KIF5A: variants seen among roughly 807,000 people sequenced by gnomAD.
The protein encoded by KIF5A is kinesin heavy chain isoform 5A.
KIF5A carries 35 observed loss-of-function variants against 141.3 expected under a neutral mutation model. That is an observed-to-expected ratio of 0.25 (90% confidence interval 0.19 to 0.33). The LOEUF is 0.33. Ranked by LOEUF, KIF5A falls within the 10% of genes least tolerant of loss-of-function variation. KIF5A has a pLI of 1.00. For synonymous variants in KIF5A, 448 were observed against 500.2 expected (o/e 0.90, Z 1.39); for missense variants, 861 against 1,314.3 (o/e 0.66, Z 5.33).
intron 15 of KIF5A, among the ~76,000 whole-genome samples, chr12:57,573,398 G>T (rs955536009): frequency 1.3e-5 from 2 of 151,974 alleles, no homozygotes; most frequent in Admixed American, 1.3e-4. Context: ...GGGGGTGGTG[G>T]CACACACCTA....
rs751767575 is a variant in KIF5A at position 57,576,251 on chromosome 12, G to A, written c.2089-18G>A. Reference sequence around the variant, plus strand: ...GCTGGGAGTCTGGCCTTTGAGCTTGGGGTGGGGTTGTTTGCAGAAGGCTCT... The same window carrying A: ...GCTGGGAGTCTGGCCTTTGAGCTTGAGGTGGGGTTGTTTGCAGAAGGCTCT... On this transcript the variant is annotated intron_variant, in intron 18 of 28. Transcript: ENST00000455537. The A allele has an allele frequency of 3.1e-6, 5 of 1,613,478 alleles. No homozygotes were observed. The East Asian group carries it at 1.1e-4, about 36-fold the overall frequency.
intron 11 of KIF5A, 85 bp from the exon 12 acceptor site, chr12:57,569,902 C>A: frequency 6.7e-7 from 1 of 1,498,526 alleles, no homozygotes; most frequent in South Asian, 1.3e-5. Flanking sequence ...CAAGAGAGTT[C>A]AAGGGGCATG....
rs767095969 is a variant in KIF5A, at chr12:57,569,992, A to G, written c.1123A>G (p.Asn375Asp). The G allele has an allele frequency of 3.7e-6, 6 of 1,613,142 alleles. No individual in the cohort carries two copies. The highest frequency in any genetic ancestry group is 1.3e-5 in the African/African-American group (1 of 74,904). ...CTCGTCTTGCCCCTTTGCAGGAGAGAATGTGCCTGAGACAGAGCGCCTGGC... is the reference window on the plus strand; with the variant it reads ...CTCGTCTTGCCCCTTTGCAGGAGAGGATGTGCCTGAGACAGAGCGCCTGGC... ...AELSRWRNGE[N>D]VPETERLAGE... Residue 375 changes from asparagine to aspartate, a missense_variant, in exon 12 of 29, where the codon AAT (asparagine) becomes GAT (aspartate). Physicochemically the swap from Asn to Asp is conservative, Grantham distance 23. Coordinates refer to ENST00000455537, the MANE Select transcript of KIF5A (RefSeq NM_004984.4).
chr12:57,564,860 G>C (rs1882015026), intron 5 of KIF5A, 58 bp from the exon 6 acceptor site: 1 of 1,506,514 alleles, frequency 6.6e-7, no homozygotes, highest in African/African-American at 1.4e-5. Context: ...TGACTGCAAG[G>C]TGCAGATGGG....
At chr12:57,559,421 A>G (rs909519951) in intron 1 of KIF5A, among the ~76,000 whole-genome samples, 4 of 152,160 alleles carry the variant, frequency 2.6e-5, no homozygotes, top group African/African-American at 9.7e-5. Context: ...ATGGTGTTTC[A>G]TAGTTTTAAT....
At chr12:57,570,680 C>T (rs574956406) in intron 12 of KIF5A, among the ~76,000 whole-genome samples, 6 of 152,228 alleles carry the variant, frequency 3.9e-5, no homozygotes, top group Admixed American at 2.0e-4. Flanking sequence ...CCACCGTGCC[C>T]GGCCTGTATA....
chr12:57,569,206 G>C, intron 9 of KIF5A, 50 bp from the exon 10 acceptor site: 1 of 1,610,576 alleles, frequency 6.2e-7, no homozygotes, highest in Non-Finnish European at 8.5e-7. Context: ...CTGATTCCCT[G>C]TTGAATTTTA....
intron 6 of KIF5A, among the ~76,000 whole-genome samples, chr12:57,566,327 C>T (rs1054847036): frequency 6.6e-6 from 1 of 151,592 alleles, no homozygotes; most frequent in Non-Finnish European, 1.5e-5. Context: ...TAGTCTCGAA[C>T]TCCTGACCTC....
At position 57,586,421 on chromosome 12, in the gene KIF5A, C is replaced by T. The variant is rs541166747; in HGVS notation, c.*2240C>T. The T allele has an allele frequency of 6.6e-6, 1 of 152,536 alleles. No individual in the cohort carries two copies. The highest frequency in any genetic ancestry group is 2.4e-5 in the African/African-American group (1 of 41,540). The allele number at this position is 152,536 out of a possible 1,614,324, so 9.4% of individuals were successfully genotyped here. The stretch of plus-strand genomic sequence containing the variant: ...CACGCAAACCCTTCACCAGAAGCTT[C>T]ACACTACATCCTCCTCCTCCTCCTG... On this transcript the variant is annotated 3_prime_UTR_variant, in exon 29 of 29. Transcript: ENST00000455537.
chr12:57,562,980 T>A (rs1881953380), intron 1 of KIF5A, among the ~76,000 whole-genome samples: 1 of 151,716 alleles, frequency 6.6e-6, no homozygotes, highest in Non-Finnish European at 1.5e-5. Flanking sequence ...CTTTAGTTTC[T>A]CTTATTCTCC....
intron 1 of KIF5A, among the ~76,000 whole-genome samples, chr12:57,553,361 T>C (rs753802971): frequency 1.3e-5 from 2 of 152,192 alleles, no homozygotes; most frequent in Non-Finnish European, 2.9e-5. Context: ...ACTAGGACCA[T>C]TGTGTACCTC....
At chr12:57,569,821 G>A (rs1261883837) in intron 11 of KIF5A, 138 bp downstream of exon 11, 3 of 1,424,220 alleles carry the variant, frequency 2.1e-6, no homozygotes, top group African/African-American at 2.8e-5. Context: ...GTGCAGTAGA[G>A]CAGTCATGGG....
At chr12:57,567,264 C>A in intron 7 of KIF5A, 51 bp downstream of exon 7, 1 of 1,455,904 alleles carries the variant, frequency 6.9e-7, no homozygotes, top group South Asian at 1.1e-5. Flanking sequence ...CACTTGTGTT[C>A]TGTGTCCTCT....
Position 57,572,090 on chromosome 12 carries a change from G to C in KIF5A, c.1392G>C (p.Glu464Asp). The change falls in exon 14 of 29, where the codon GAG becomes GAC. Residue 464 changes from glutamate (E) to aspartate (D), a missense_variant. Physicochemically the swap from Glu to Asp is conservative, Grantham distance 45. Around this residue, in one of 5 missense-constraint regions of KIF5A, gnomAD observed 167 missense variants for 192.0 expected, o/e 0.87. Coordinates refer to ENST00000455537, the MANE Select transcript of KIF5A (RefSeq NM_004984.4). The surrounding 1 kb of genome is among the most constrained non-coding windows in gnomAD (Gnocchi z 4.2). ...ELLVSTRGDN[E>D]KVQRELSHLQ... ...TGGTGTCCACCCGAGGAGACAACGAGAAGGTCCAGCGGGAGCTGAGCCACC... is the reference window on the plus strand; with the variant it reads ...TGGTGTCCACCCGAGGAGACAACGACAAGGTCCAGCGGGAGCTGAGCCACC... 4 of 1,613,928 alleles carry C rather than the reference G, an allele frequency of 2.5e-6. No individual in the cohort carries two copies. Among genetic ancestry groups the C allele is most frequent in the Non-Finnish European group, 3.4e-6 (4 of 1,180,038 alleles).
Position 57,586,248 on chromosome 12 carries a change from G to A in KIF5A, c.*2067G>A, listed in dbSNP as rs771845772. ...AAGAATCCAGGGGGTTTTATGTAAT[G>A]TTGCCACCACATGGTTCTTTTAAAA... On this transcript the variant is annotated 3_prime_UTR_variant, in exon 29 of 29. Transcript: ENST00000455537. The A allele has an allele frequency of 7.9e-5, 12 of 152,192 alleles. No individual in the cohort carries two copies. Among genetic ancestry groups the A allele is most frequent in the Non-Finnish European group, 8.8e-5 (6 of 68,024 alleles). 9.4% of individuals were successfully genotyped at this position (152,192 alleles called of 1,614,324 possible).
intron 6 of KIF5A, among the ~76,000 whole-genome samples, chr12:57,566,088 C>G (rs1422540494): frequency 6.6e-6 from 1 of 151,526 alleles, no homozygotes; most frequent in Non-Finnish European, 1.5e-5. Context: ...AGTAGAGAGA[C>G]AGTGGTTTTT....
Position 57,572,362 on chromosome 12 carries a change from T to C in KIF5A, c.1569+95T>C. On this transcript the variant is annotated intron_variant, in intron 14 of 28. Coordinates refer to ENST00000455537, the MANE Select transcript of KIF5A (RefSeq NM_004984.4). This position sits in a 1 kb window ranked among gnomAD's most constrained non-coding sequence, Gnocchi z 4.2. ...CATCCTTCCAGGGCTGTATGGTGGCTGCACCTCTGCACTGCTGTTCAGTGC... is the reference window on the plus strand; with the variant it reads ...CATCCTTCCAGGGCTGTATGGTGGCCGCACCTCTGCACTGCTGTTCAGTGC... The C allele has an allele frequency of 7.5e-7, 1 of 1,327,280 alleles. No homozygotes were observed. Among genetic ancestry groups the C allele is most frequent in the Non-Finnish European group, 1.1e-6 (1 of 944,266 alleles). The allele number at this position is 1,327,280 out of a possible 1,614,324, so 82.2% of individuals were successfully genotyped here. A position where few individuals can be genotyped will look rare whatever the true frequency, so the allele number is the denominator to read the frequency against.
At position 57,550,100 on chromosome 12, in the gene KIF5A, GAGAC is replaced by G. The variant is rs892304265; in HGVS notation, c.-169_-166del. ...GCCCGCATCCCGCTGCCGCAGGAGA[GAGAC>G]AGCGCGCCCCGGCCCTGCTCCCCAG... On this transcript the variant is annotated 5_prime_UTR_variant, in exon 1 of 29. Transcript: ENST00000455537. This position sits in a 1 kb window ranked among gnomAD's most constrained non-coding sequence, Gnocchi z 4.6. 27 of 814,698 alleles carry G rather than the reference GAGAC, an allele frequency of 3.3e-5. No homozygotes were observed. Among genetic ancestry groups the G allele is most frequent in the African/African-American group, 2.9e-4 (17 of 58,710 alleles). 50.5% of individuals were successfully genotyped at this position (814,698 alleles called of 1,614,324 possible).
At chr12:57,580,895 G>T in intron 23 of KIF5A, 61 bp from the exon 24 acceptor site, 1 of 1,514,686 alleles carries the variant, frequency 6.6e-7, no homozygotes, top group African/African-American at 1.4e-5. Flanking sequence ...ACGCTCCTCT[G>T]GGTGACCGTC....
Sources: allele counts gnomAD v4.1 joint callset (sites outside exome capture counted in the v4.1 genomes callset), GRCh38; gene constraint gnomAD v4.1.1; regional missense constraint gnomAD v4.1.1; non-coding constraint Gnocchi (gnomAD v3.1); transcripts MANE v1.5; gene names NCBI Gene and HGNC (gene_info 2026-07-23, HGNC 2026-07-21).